Variants in SPTA1 observed in about 807,000 individuals in gnomAD.
SPTA1 encodes spectrin alpha chain, erythrocytic 1.
SPTA1 carries 177 observed loss-of-function variants against 324.7 expected under a neutral mutation model. The ratio of observed to expected loss-of-function variants is 0.55; its 90% CI spans 0.48 to 0.62. SPTA1 has a LOEUF of 0.62. SPTA1 is among the 20% of genes least tolerant of loss of function. SPTA1 has a pLI of 0.00. For synonymous variants in SPTA1, 1,195 were observed against 1,041.3 expected, an observed-to-expected ratio of 1.15 and a Z score of -2.84; for missense variants, 3,162 against 2,883.6, an observed-to-expected ratio of 1.10 and a Z score of -2.21.
chr1:158,666,126 T>A (rs1653578439), intron 16 of SPTA1, among the ~76,000 whole-genome samples, 190 bp downstream of exon 16: 2 of 152,210 alleles, frequency 1.3e-5, no homozygotes, highest in East Asian at 3.9e-4. Flanking sequence ...GCTCTCTGAA[T>A]AATAATAATT....
At chr1:158,639,430 G>A (rs191523966) in intron 35 of SPTA1, 152 bp downstream of exon 35, 113 of 756,786 alleles carry the variant, frequency 1.5e-4, no homozygotes, top group African/African-American at 9.8e-4. Flanking sequence ...TTCACAGCCC[G>A]TTAATTTTAC....
intron 38 of SPTA1, among the ~76,000 whole-genome samples, chr1:158,635,367 G>T (rs919862850): frequency 6.9e-6 from 1 of 145,148 alleles, no homozygotes. Flanking sequence ...TTTGCATTCT[G>T]CCATGATTGT....
intron 17 of SPTA1, among the ~76,000 whole-genome samples, chr1:158,662,118 CAGG>C (rs1386594032): frequency 6.6e-6 from 1 of 152,130 alleles, no homozygotes. Flanking sequence ...TTTTATCTTC[CAGG>C]AAGTTTTCCC....
At chr1:158,622,119 C>T (rs764104276) in intron 43 of SPTA1, among the ~76,000 whole-genome samples, 8 of 152,232 alleles carry the variant, frequency 5.3e-5, no homozygotes, top group Non-Finnish European at 2.9e-5. Flanking sequence ...CTGCCTTGCC[C>T]TACCAAAGTG....
intron 5 of SPTA1, 59 bp from the exon 6 acceptor site, chr1:158,678,593 T>C (rs1391836701): frequency 6.3e-7 from 1 of 1,576,538 alleles, no homozygotes; most frequent in Non-Finnish European, 8.6e-7. Flanking sequence ...TAAAAAATTA[T>C]TCAAACACTT....
chr1:158,661,768 A>G (rs1200181742), intron 17 of SPTA1, among the ~76,000 whole-genome samples: 1 of 152,198 alleles, frequency 6.6e-6, no homozygotes, highest in Non-Finnish European at 1.5e-5. Context: ...TCTACTTGCT[A>G]ATTTCTATGG....
At position 158,653,338 on chromosome 1, in the gene SPTA1, G is replaced by C; in HGVS notation, c.3124C>G (p.Leu1042Val). The C allele has an allele frequency of 6.2e-7, 1 of 1,614,086 alleles. No homozygotes were observed. The highest frequency in any genetic ancestry group is 1.1e-5 in the South Asian group (1 of 91,068). Residue 1042 changes from leucine to valine, a missense_variant, in exon 22 of 52, where the codon CTC (leucine) becomes GTC (valine). Coordinates refer to ENST00000643759, the MANE Select transcript of SPTA1 (RefSeq NM_003126.4). ...GGCTCTTCTCGTCGCCGCTGTGGGAGCATCGGGAACTCATCGTGGGCCAGT... is the reference window on the plus strand; with the variant it reads ...GGCTCTTCTCGTCGCCGCTGTGGGACCATCGGGAACTCATCGTGGGCCAGT... ...RRLAHDEFPM[L>V]PQRRREEPGN... is the part of the protein sequence containing the mutation.
chr1:158,618,917 G>C (rs1284251388), intron 45 of SPTA1, among the ~76,000 whole-genome samples: 1 of 152,152 alleles, frequency 6.6e-6, no homozygotes, highest in African/African-American at 2.4e-5. Flanking sequence ...TATGGCATGT[G>C]AACATAAGAA....
In SPTA1 at chr1:158,648,552, C is replaced by A. The variant is rs370505272; in HGVS notation, c.3671G>T (p.Arg1224Leu). Reference protein sequence around the residue: ...DLFSVQALQRRHEGFERDLVP... With the variant: ...DLFSVQALQRLHEGFERDLVP... ...GAGGTCCCTTTCAAAGCCCTCATGC[C>A]GTCGCTGAAGAGCCTGAACACTGAA... Residue 1224 changes from arginine (R) to leucine (L), a missense_variant, in exon 26 of 52, where the codon CGG becomes CTG. Physicochemically the swap from Arg to Leu is moderately radical, Grantham distance 102. Coordinates refer to ENST00000643759, the MANE Select transcript of SPTA1 (RefSeq NM_003126.4). 2 of 1,613,912 alleles carry A rather than the reference C, an allele frequency of 1.2e-6. No individual in the cohort carries two copies. The highest frequency in any genetic ancestry group is 2.2e-5 in the South Asian group (2 of 91,060).
At position 158,611,374 on chromosome 1, in the gene SPTA1, G is replaced by T; in HGVS notation, c.7150C>A (p.Gln2384Lys). The T allele has an allele frequency of 6.2e-7, 1 of 1,613,692 alleles. No individual in the cohort carries two copies. Among genetic ancestry groups the T allele is most frequent in the Non-Finnish European group, 8.5e-7 (1 of 1,179,704 alleles). ...EDMKQALTPE[Q>K]VSFCATHMQQ... The stretch of plus-strand genomic sequence containing the variant: ...ATATGTGTGGCACAGAATGACACTT[G>T]CTCTGGGGTAAGGGCCTGAAAAGTA... The change falls in exon 52 of 52, where the codon CAA becomes AAA. Residue 2384 changes from glutamine (Q) to lysine (K), a missense_variant. By Grantham distance (53) the Gln-to-Lys change is moderately conservative. Transcript: ENST00000643759.
intron 42 of SPTA1, among the ~76,000 whole-genome samples, chr1:158,623,674 T>G (rs1447352301): frequency 6.6e-6 from 1 of 152,220 alleles, no homozygotes; most frequent in Non-Finnish European, 1.5e-5. Flanking sequence ...GCCATGATTA[T>G]AAGTTTCTTT....
intron 14 of SPTA1, 87 bp from the exon 15 acceptor site, chr1:158,668,149 T>C (rs1653748346): frequency 7.1e-7 from 1 of 1,399,464 alleles, no homozygotes; most frequent in Middle Eastern, 2.0e-4. Flanking sequence ...CTTCTCACTA[T>C]AAATCTAACG....
chr1:158,661,424 A>T lies in SPTA1; in HGVS notation c.2465-15T>A, dbSNP rs771988950. 1 of 1,613,820 alleles carries T rather than the reference A, an allele frequency of 6.2e-7. No individual in the cohort carries two copies. ...CAGGTCCTTTCCTGCAGAGGAAAGG[A>T]ATTTCAAAGTTTCGGATTATCCTGG... On this transcript the variant is annotated splice_polypyrimidine_tract_variant and intron_variant, in intron 17 of 51. Coordinates refer to ENST00000643759, the MANE Select transcript of SPTA1 (RefSeq NM_003126.4).
intron 31 of SPTA1, 89 bp from the exon 32 acceptor site, chr1:158,643,065 T>C: frequency 6.4e-7 from 1 of 1,551,786 alleles, no homozygotes; most frequent in South Asian, 1.1e-5. Flanking sequence ...TTTGCCAACA[T>C]GCCTCTTTTC....
At chr1:158,645,473 G>A (rs1473323800) in intron 28 of SPTA1, 22 bp downstream of exon 28, 1 of 1,613,738 alleles carries the variant, frequency 6.2e-7, no homozygotes, top group Non-Finnish European at 8.5e-7. Context: ...GTGATCAGTG[G>A]CTGTGACTTT....
intron 27 of SPTA1, among the ~76,000 whole-genome samples, 193 bp from the exon 28 acceptor site, chr1:158,645,787 AG>A (rs1471859499): frequency 2.6e-5 from 4 of 152,214 alleles, no homozygotes; most frequent in African/African-American, 7.2e-5. Context: ...TGTATTTGAA[AG>A]CCTCTTCACT....
chr1:158,635,113 G>T (rs908339442), intron 38 of SPTA1, among the ~76,000 whole-genome samples: 2 of 151,998 alleles, frequency 1.3e-5, no homozygotes, highest in Non-Finnish European at 2.9e-5. Flanking sequence ...GACAGAAATC[G>T]TTATATTTGG....
intron 18 of SPTA1, 68 bp from the exon 19 acceptor site, chr1:158,657,762 G>A: frequency 2.0e-6 from 3 of 1,500,956 alleles, no homozygotes; most frequent in Non-Finnish European, 2.8e-6. Context: ...AATCCTTTTG[G>A]TACCTTGGAA....
Position 158,611,097 on chromosome 1 carries a change from T to A in SPTA1, c.*167A>T. On this transcript the variant is annotated 3_prime_UTR_variant, in exon 52 of 52. Transcript: ENST00000643759. ...CTCCCACCCTTGAGATTTTTTAAGA[T>A]CCTACAATAAATGTAATATGCACAC... 1 of 917,038 alleles carries A rather than the reference T, an allele frequency of 1.1e-6. No individual in the cohort carries two copies. The highest frequency in any genetic ancestry group is 1.6e-5 in the South Asian group (1 of 63,550). The allele number at this position is 917,038 out of a possible 1,614,324, so 56.8% of individuals were successfully genotyped here. A position where few individuals can be genotyped will look rare whatever the true frequency, so the allele number is the denominator to read the frequency against.
Sources: allele counts gnomAD v4.1 joint callset (sites outside exome capture counted in the v4.1 genomes callset), GRCh38; gene constraint gnomAD v4.1.1; transcripts MANE v1.5; gene names NCBI Gene and HGNC (gene_info 2026-07-23, HGNC 2026-07-21).